Variants in MYO1D observed in about 807,000 individuals in gnomAD.
MYO1D encodes unconventional myosin-Id.
In MYO1D, 83 loss-of-function variants were observed where a neutral mutation model predicts 122.0. The ratio of observed to expected loss-of-function variants is 0.68; its 90% CI spans 0.57 to 0.82. MYO1D has a LOEUF of 0.82. MYO1D is among the 40% of genes least tolerant of loss of function. The pLI, the probability that MYO1D is intolerant of heterozygous loss-of-function variation, is 0.00. For synonymous variants in MYO1D, 464 were observed against 446.9 expected, an observed-to-expected ratio of 1.04 and a Z score of -0.48; for missense variants, 1,157 against 1,269.5, an observed-to-expected ratio of 0.91 and a Z score of 1.35.
intron 7 of MYO1D, among the ~76,000 whole-genome samples, chr17:32,766,163 AG>A (rs1567631296): frequency 2.0e-5 from 3 of 152,160 alleles, no homozygotes; most frequent in Admixed American, 1.3e-4. Context: ...CTGGGATTAC[AG>A]GTGTGAGCAA....
At chr17:32,546,176 C>A (rs1467228875) in intron 21 of MYO1D, among the ~76,000 whole-genome samples, 1 of 152,146 alleles carries the variant, frequency 6.6e-6, no homozygotes, top group African/African-American at 2.4e-5. Flanking sequence ...TGATGCTGCA[C>A]CCGGTAGAAA....
At chr17:32,836,637 G>A (rs1035563137) in intron 1 of MYO1D, among the ~76,000 whole-genome samples, 2 of 152,010 alleles carry the variant, frequency 1.3e-5, no homozygotes, top group Admixed American at 6.6e-5. Flanking sequence ...TCATGTTGTT[G>A]TGTGTGTCAC....
rs139901019 is a variant in MYO1D at position 32,687,715 on chromosome 17, C to G, written c.2121+24273G>C. ...ATTACTAAAGTATCTCATTTAAATG[C>G]ACATAAATAGCTCTTATATATTCAA... On this transcript the variant is annotated intron_variant, in intron 16 of 21. Transcript: ENST00000318217. Among the ~76,000 whole-genome samples, 236 of 152,334 alleles carry G rather than the reference C, an allele frequency of 1.5e-3. 1 individual carries two copies. Among genetic ancestry groups the G allele is most frequent in the African/African-American group, 5.4e-3 (223 of 41,570 alleles).
At chr17:32,797,592 C>T (rs1246234476) in intron 1 of MYO1D, among the ~76,000 whole-genome samples, 4 of 151,956 alleles carry the variant, frequency 2.6e-5, no homozygotes, top group Admixed American at 6.6e-5. Flanking sequence ...CTTACTGTGC[C>T]TAAATTAAAA....
At chr17:32,643,575 G>A (rs2088237589) in intron 19 of MYO1D, among the ~76,000 whole-genome samples, 1 of 151,622 alleles carries the variant, frequency 6.6e-6, no homozygotes, top group Middle Eastern at 3.4e-3. Context: ...TGGTTGGTAA[G>A]CTATTATTGC....
At chr17:32,643,307 C>T (rs952333067) in intron 19 of MYO1D, among the ~76,000 whole-genome samples, 12 of 152,158 alleles carry the variant, frequency 7.9e-5, no homozygotes, top group African/African-American at 2.7e-4. Flanking sequence ...TTTTGATGTG[C>T]TGCTGGACTT....
intron 2 of MYO1D, among the ~76,000 whole-genome samples, chr17:32,779,567 C>T (rs1290530513): frequency 6.6e-6 from 1 of 151,774 alleles, no homozygotes; most frequent in Non-Finnish European, 1.5e-5. Flanking sequence ...AGGATAAACA[C>T]TAAACTGTTA....
At chr17:32,600,404 G>A (rs1049646385) in intron 21 of MYO1D, among the ~76,000 whole-genome samples, 3 of 152,242 alleles carry the variant, frequency 2.0e-5, no homozygotes, top group African/African-American at 7.2e-5. Flanking sequence ...AGCTACGGAA[G>A]TCCTAGATGG....
intron 1 of MYO1D, among the ~76,000 whole-genome samples, chr17:32,806,769 G>A (rs1253833533): frequency 6.6e-6 from 1 of 152,128 alleles, no homozygotes; most frequent in Non-Finnish European, 1.5e-5. Context: ...TAGCTCCAAG[G>A]GTGTTTGGCT....
intron 15 of MYO1D, among the ~76,000 whole-genome samples, chr17:32,716,091 C>G (rs1283772144): frequency 6.6e-6 from 1 of 152,156 alleles, no homozygotes; most frequent in Non-Finnish European, 1.5e-5. Context: ...GGCTGCTTTC[C>G]TTCCTCACTA....
intron 20 of MYO1D, among the ~76,000 whole-genome samples, chr17:32,612,696 C>CAAAAAAAAAAAAAAAAAAAAA (rs1158470135): frequency 1.4e-4 from 15 of 104,504 alleles, no homozygotes; most frequent in Admixed American, 2.3e-4. Flanking sequence ...AAAAAAAAAA[C>CAAAAAAAAAAAAAAAAAAAAA]AAAAAAAAAA....
At chr17:32,637,970 C>G (rs2088128858) in intron 20 of MYO1D, among the ~76,000 whole-genome samples, 1 of 152,208 alleles carries the variant, frequency 6.6e-6, no homozygotes, top group South Asian at 2.1e-4. Context: ...AAAATATTCT[C>G]TAAGTAATAC....
intron 7 of MYO1D, among the ~76,000 whole-genome samples, 190 bp downstream of exon 7, chr17:32,767,446 T>C (rs1455917700): frequency 6.6e-6 from 1 of 152,182 alleles, no homozygotes; most frequent in Non-Finnish European, 1.5e-5. Context: ...TCCAACCCTA[T>C]AGTAGCTTGG....
At chr17:32,726,789 T>C (rs1052927018) in intron 14 of MYO1D, among the ~76,000 whole-genome samples, 1 of 151,220 alleles carries the variant, frequency 6.6e-6, no homozygotes, top group Admixed American at 6.6e-5. Flanking sequence ...TATTTTGGTA[T>C]ATAATTAAAA....
At chr17:32,869,900 T>G (rs1820809923) in intron 1 of MYO1D, among the ~76,000 whole-genome samples, 1 of 152,018 alleles carries the variant, frequency 6.6e-6, no homozygotes, top group South Asian at 2.1e-4. Context: ...GCCATTGCAC[T>G]CCAGCCTGGG....
chr17:32,514,736 G>A (rs976226943), intron 21 of MYO1D, among the ~76,000 whole-genome samples: 5 of 152,188 alleles, frequency 3.3e-5, no homozygotes. Context: ...GATACTGATC[G>A]TTCTTTTAGA....
chr17:32,801,601 A>T (rs2090461883), intron 1 of MYO1D, among the ~76,000 whole-genome samples: 1 of 152,214 alleles, frequency 6.6e-6, no homozygotes, highest in Non-Finnish European at 1.5e-5. Context: ...AATATGAAAG[A>T]GGGAAGGTTA....
At chr17:32,706,973 G>A (rs1288949767) in intron 16 of MYO1D, among the ~76,000 whole-genome samples, 1 of 152,106 alleles carries the variant, frequency 6.6e-6, no homozygotes, top group African/African-American at 2.4e-5. Context: ...TGGGATTACA[G>A]GTGTGAGCCA....
chr17:32,649,635 G>C (rs113070107), intron 19 of MYO1D, among the ~76,000 whole-genome samples: 1 of 137,804 alleles, frequency 7.3e-6, no homozygotes, highest in Non-Finnish European at 1.5e-5. Flanking sequence ...GCAGTAGTGC[G>C]ATCTCAGCTC....
Sources: gnomAD v4.1 joint callset for allele counts (sites outside exome capture counted in the v4.1 genomes callset) on GRCh38, gnomAD v4.1.1 for gene constraint, MANE v1.5 for transcripts, NCBI Gene and HGNC (gene_info 2026-07-23, HGNC 2026-07-21) for gene names.